Variants in SCN7A observed in about 807,000 individuals in gnomAD.
The protein encoded by SCN7A is sodium voltage-gated channel alpha subunit 7.
Under a neutral mutation model 155.2 loss-of-function variants are expected in SCN7A, and 138 were observed. That is an observed-to-expected ratio of 0.89 (90% confidence interval 0.77 to 1.02). The LOEUF is 1.02. Among genes scored for constraint, SCN7A ranks in the 50% least tolerant of loss-of-function variants. The pLI is 0.00. For missense variants in SCN7A, 2,058 were observed against 1,986.6 expected (o/e 1.04, Z -0.68); for synonymous variants, 693 against 649.0 (o/e 1.07, Z -1.03).
intron 15 of SCN7A, among the ~76,000 whole-genome samples, chr2:166,439,063 A>G (rs1452265950): frequency 1.4e-5 from 2 of 143,232 alleles, no homozygotes; most frequent in South Asian, 2.2e-4. Context: ...GTGTATATAT[A>G]TATATATATA....
chr2:166,439,831 A>G (rs189754272), intron 15 of SCN7A, among the ~76,000 whole-genome samples: 438 of 152,332 alleles, frequency 2.9e-3, no homozygotes, highest in African/African-American at 0.01. Flanking sequence ...TACACTAACA[A>G]TTAAATACAA....
chr2:166,416,533 T>C (rs548044752), intron 21 of SCN7A, among the ~76,000 whole-genome samples, 174 bp downstream of exon 21: 11 of 152,332 alleles, frequency 7.2e-5, no homozygotes, highest in South Asian at 2.1e-4. Flanking sequence ...AGAACCTATG[T>C]TGAAATATTT....
intron 7 of SCN7A, among the ~76,000 whole-genome samples, chr2:166,467,019 T>A (rs1396960673): frequency 6.6e-6 from 1 of 151,974 alleles, no homozygotes. Context: ...GACATCATAA[T>A]AAAATCTATT....
At chr2:166,487,407 C>G (rs1703077477) in intron 1 of SCN7A, among the ~76,000 whole-genome samples, 1 of 152,136 alleles carries the variant, frequency 6.6e-6, no homozygotes, top group Admixed American at 6.5e-5. Flanking sequence ...TTCTTCTTCC[C>G]TACTCACAAT....
At chr2:166,466,035 A>C in intron 7 of SCN7A, 48 bp from the exon 8 acceptor site, 1 of 1,423,648 alleles carries the variant, frequency 7.0e-7, no homozygotes, top group Non-Finnish European at 9.6e-7. Context: ...ATCTTAGAAA[A>C]GCACTATTGG....
At chr2:166,478,755 G>T (rs191033722) in intron 2 of SCN7A, among the ~76,000 whole-genome samples, 64 of 151,856 alleles carry the variant, frequency 4.2e-4, no homozygotes, top group Non-Finnish European at 7.4e-4. Context: ...AATCATCTTT[G>T]TAATTCTATC....
At chr2:166,478,313 A>AAT (rs1224676755) in intron 2 of SCN7A, among the ~76,000 whole-genome samples, 2 of 149,662 alleles carry the variant, frequency 1.3e-5, no homozygotes, top group African/African-American at 4.9e-5. Context: ...AAATATATAT[A>AAT]ATATATATAA....
chr2:166,444,828 A>T lies in SCN7A; in HGVS notation c.1560T>A (p.Cys520Ter), dbSNP rs35213258. ...FLIICIILNV[C>*]FLTLEHYPMS... ...TTGGATAATGCTCCAAGGTCAGAAA[A>T]CATACGTTTAAAATTATGCATATGA... The change falls in exon 13 of 26, where the codon TGT becomes TGA. Residue 520 changes from cysteine to a stop codon, truncating the protein, a stop_gained. Coordinates refer to ENST00000643258, the MANE Select transcript of SCN7A (RefSeq NM_002976.4). LOFTEE classifies it high-confidence loss of function. 1 of 1,610,476 alleles carries T rather than the reference A, an allele frequency of 6.2e-7. No homozygotes were observed. The highest frequency in any genetic ancestry group is 8.5e-7 in the Non-Finnish European group (1 of 1,177,858).
At chr2:166,417,798 TG>T (rs1701412238) in intron 20 of SCN7A, among the ~76,000 whole-genome samples, 1 of 151,596 alleles carries the variant, frequency 6.6e-6, no homozygotes, top group Non-Finnish European at 1.5e-5. Flanking sequence ...GAGAAGAGAT[TG>T]CTTCAGGAAA....
At chr2:166,423,193 T>C (rs1701547588) in intron 19 of SCN7A, 66 bp downstream of exon 19, 1 of 1,473,060 alleles carries the variant, frequency 6.8e-7, no homozygotes, top group East Asian at 2.3e-5. Flanking sequence ...TGACAGGAAG[T>C]GAAAGAGTAA....
At chr2:166,484,072 T>A (rs1172593400) in intron 2 of SCN7A, among the ~76,000 whole-genome samples, 4 of 152,018 alleles carry the variant, frequency 2.6e-5, no homozygotes, top group Non-Finnish European at 5.9e-5. Context: ...AATGTGTCTC[T>A]TGATATCTTA....
At position 166,406,277 on chromosome 2, in the gene SCN7A, C is replaced by T. The variant is rs1344216739; in HGVS notation, c.4352G>A (p.Cys1451Tyr). 1.2e-6 allele frequency: 2 copies of T among 1,613,092 alleles called. No individual in the cohort carries two copies. Among genetic ancestry groups the T allele is most frequent in the African/African-American group, 1.3e-5 (1 of 74,840 alleles). ...CCCAGGGTTAATTTTATCAGGATCA[C>T]AGTCAGACCATTTACTGTTGAAAAT... Reference protein sequence around the residue: ...DAIFNSKWSDCDPDKINPGTQ... With the variant: ...DAIFNSKWSDYDPDKINPGTQ... The change falls in exon 26 of 26, where the codon TGT becomes TAT. Residue 1451 changes from cysteine to tyrosine, a missense_variant. Cys to Tyr is a radical substitution (Grantham distance 194). Coordinates refer to ENST00000643258, the MANE Select transcript of SCN7A (RefSeq NM_002976.4).
chr2:166,462,611 T>C, intron 9 of SCN7A, 81 bp from the exon 10 acceptor site: 3 of 1,348,112 alleles, frequency 2.2e-6, no homozygotes, highest in Non-Finnish European at 3.1e-6. Context: ...AGAACATCAG[T>C]CCTGAGTAAT....
intron 18 of SCN7A, among the ~76,000 whole-genome samples, chr2:166,426,178 G>A (rs924947394): frequency 1.3e-5 from 2 of 152,092 alleles, no homozygotes; most frequent in African/African-American, 2.4e-5. Context: ...ATCCAAAGAC[G>A]CATTATCAGG....
At chr2:166,428,480 T>C (rs12474618) in intron 17 of SCN7A, among the ~76,000 whole-genome samples, 43,187 of 151,860 alleles carry the variant, frequency 0.28, 6,594 homozygotes, top group Non-Finnish European at 0.34. Context: ...GGAAGTAACA[T>C]GGACTGTGGA....
chr2:166,458,326 C>CAA (rs71395231), intron 10 of SCN7A, among the ~76,000 whole-genome samples: 1,836 of 97,920 alleles, frequency 0.019, 13 homozygotes, highest in Non-Finnish European at 0.026. Context: ...GACCATGTAT[C>CAA]AAAAAAAAAA....
At chr2:166,471,013 T>C (rs1010867965) in intron 6 of SCN7A, among the ~76,000 whole-genome samples, 13 of 151,886 alleles carry the variant, frequency 8.6e-5, no homozygotes, top group African/African-American at 2.9e-4. Flanking sequence ...ACTGAAAAGA[T>C]AGTTACAATG....
chr2:166,487,301 A>G (rs1289209697), intron 1 of SCN7A, among the ~76,000 whole-genome samples: 1 of 152,222 alleles, frequency 6.6e-6, no homozygotes, highest in African/African-American at 2.4e-5. Context: ...CCCATGCAAG[A>G]GGCTGCATCA....
At chr2:166,473,981 T>C (rs1161722909) in intron 4 of SCN7A, 93 bp from the exon 5 acceptor site, 3 of 680,250 alleles carry the variant, frequency 4.4e-6, no homozygotes, top group Admixed American at 2.9e-5. Context: ...AAAATATTAA[T>C]CTTATTGAAC....
Sources: gnomAD v4.1 joint callset for allele counts (sites outside exome capture counted in the v4.1 genomes callset) on GRCh38, gnomAD v4.1.1 for gene constraint, MANE v1.5 for transcripts, NCBI Gene and HGNC (gene_info 2026-07-23, HGNC 2026-07-21) for gene names.